The following CHMP3 variants were observed in gnomAD, a reference collection of about 807,000 sequenced individuals.
CHMP3 encodes charged multivesicular body protein 3, also known as 25.1 protein.
In CHMP3, 8 loss-of-function variants were observed where a neutral mutation model predicts 27.4. The observed-to-expected ratio is 0.29, with a 90% CI of 0.17 to 0.53. The LOEUF (loss-of-function observed/expected upper bound fraction) is 0.53, where lower values mean the gene tolerates loss of function less well. Among genes scored for constraint, CHMP3 ranks in the 20% least tolerant of loss-of-function variants. The pLI is 0.96. For missense variants in CHMP3, 208 were observed against 271.5 expected (o/e 0.77, Z 1.64); for synonymous variants, 86 against 85.5 (o/e 1.01, Z -0.03).
At chr2:86,510,307 T>C (rs745360044) in intron 4 of CHMP3, 51 bp downstream of exon 4, 59 of 1,582,950 alleles carry the variant, frequency 3.7e-5, no homozygotes, top group Non-Finnish European at 4.7e-5. Context: ...TGTTACTTGT[T>C]TAGAGTGACT....
chr2:86,525,277 ACAAAAAACTT>A (rs1210480755), intron 3 of CHMP3, among the ~76,000 whole-genome samples: 4 of 152,254 alleles, frequency 2.6e-5, no homozygotes, highest in African/African-American at 9.6e-5. Context: ...AAAATTAAAT[ACAAAAAACTT>A]CAAAATCAAT....
chr2:86,550,154 C>A (rs184424383), intron 1 of CHMP3, among the ~76,000 whole-genome samples: 1 of 152,318 alleles, frequency 6.6e-6, no homozygotes, highest in Admixed American at 6.5e-5. Flanking sequence ...GACGGGCAGA[C>A]CACTTGAGGT....
At chr2:86,516,716 T>G (rs1212929410) in intron 3 of CHMP3, among the ~76,000 whole-genome samples, 2 of 152,238 alleles carry the variant, frequency 1.3e-5, no homozygotes, top group Non-Finnish European at 2.9e-5. Context: ...TATGGATACA[T>G]GTAAACACTT....
chr2:86,515,524 TTG>T (rs1465341401), intron 3 of CHMP3, among the ~76,000 whole-genome samples: 1 of 152,132 alleles, frequency 6.6e-6, no homozygotes, highest in Non-Finnish European at 1.5e-5. Context: ...TTTCACTATG[TTG>T]GTCAGGCTGG....
chr2:86,506,244 C>G (rs966978695), intron 5 of CHMP3, among the ~76,000 whole-genome samples: 1 of 152,204 alleles, frequency 6.6e-6, no homozygotes, highest in African/African-American at 2.4e-5. Context: ...TAAATTGTTT[C>G]TAAATCTTCA....
chr2:86,562,951 G>C (rs1002554979), intron 1 of CHMP3: 1 of 215,288 alleles, frequency 4.6e-6, no homozygotes, highest in Non-Finnish European at 9.2e-6. Flanking sequence ...CCGGGCTGGA[G>C]GGGTGGGGCC....
chr2:86,513,238 T>C (rs1675172348), intron 3 of CHMP3, among the ~76,000 whole-genome samples: 3 of 152,124 alleles, frequency 2.0e-5, no homozygotes, highest in Admixed American at 6.5e-5. Context: ...TATTACTAAG[T>C]GAAAGAAGCC....
intron 1 of CHMP3, among the ~76,000 whole-genome samples, chr2:86,554,880 C>T (rs886145515): frequency 1.4e-5 from 2 of 146,384 alleles, no homozygotes; most frequent in African/African-American, 5.0e-5. Flanking sequence ...TGGAGTCCCG[C>T]TCTGTCGCCC....
chr2:86,505,953 AAAAG>A lies in CHMP3; in HGVS notation c.524-8_524-5del. The A allele has an allele frequency of 1.3e-6, 2 of 1,553,138 alleles. No individual in the cohort carries two copies. The highest frequency in any genetic ancestry group is 1.7e-6 in the Non-Finnish European group (2 of 1,145,456). On this transcript the variant is annotated splice_region_variant and splice_polypyrimidine_tract_variant and intron_variant, in intron 5 of 5. Coordinates refer to ENST00000263856, the MANE Select transcript of CHMP3 (RefSeq NM_016079.4). ...CTGGGTGCTTTGCCCAAGGCCCCTG[AAAAG>A]AAAGAGCAAAGATGAACACCACATT...
At position 86,563,285 on chromosome 2, in the gene CHMP3, C is replaced by T. The variant is rs202106336; in HGVS notation, c.45+19G>A. 6 of 1,613,532 alleles carry T rather than the reference C, an allele frequency of 3.7e-6. No homozygotes were observed. Among genetic ancestry groups the T allele is most frequent in the Admixed American group, 1.7e-5 (1 of 59,970 alleles). On this transcript the variant is annotated intron_variant, in intron 1 of 5. Transcript: ENST00000263856. ...CCACACAGATCCACCCGCTTATCTG[C>T]CGCCGCCGTAGCCCTTACCAGTTCT...
chr2:86,548,137 TAGG>T (rs1431616164), intron 1 of CHMP3, among the ~76,000 whole-genome samples: 1 of 151,622 alleles, frequency 6.6e-6, no homozygotes, highest in Non-Finnish European at 1.5e-5. Flanking sequence ...GAAGACAGTA[TAGG>T]AGAATACATT....
chr2:86,543,676 C>T (rs77706712), intron 1 of CHMP3, among the ~76,000 whole-genome samples: 3,233 of 152,248 alleles, frequency 0.021, 109 homozygotes, highest in African/African-American at 0.073. Context: ...TAGTTTACCA[C>T]GGCAAGTACA....
intron 2 of CHMP3, among the ~76,000 whole-genome samples, chr2:86,534,949 C>T (rs1295009110): frequency 2.6e-5 from 4 of 151,968 alleles, no homozygotes; most frequent in African/African-American, 9.7e-5. Flanking sequence ...ACTTTAAATC[C>T]ATTTACATTC....
intron 2 of CHMP3, among the ~76,000 whole-genome samples, chr2:86,540,218 G>T (rs753463940): frequency 6.6e-6 from 1 of 152,014 alleles, no homozygotes; most frequent in Admixed American, 6.6e-5. Flanking sequence ...CCTTGGATCT[G>T]CAAGCTTAAT....
At chr2:86,544,645 G>C (rs913433911) in intron 1 of CHMP3, among the ~76,000 whole-genome samples, 1 of 152,164 alleles carries the variant, frequency 6.6e-6, no homozygotes, top group African/African-American at 2.4e-5. Flanking sequence ...ATGTTTCAGA[G>C]AGCACCGGGT....
At chr2:86,511,521 G>A (rs1042889496) in intron 3 of CHMP3, 8 of 151,412 alleles carry the variant, frequency 5.3e-5, no homozygotes, top group Admixed American at 2.6e-4. Context: ...TGATAAAAAA[G>A]TTATAATTAC....
chr2:86,516,602 G>A (rs1166304626), intron 3 of CHMP3, among the ~76,000 whole-genome samples: 1 of 152,166 alleles, frequency 6.6e-6, no homozygotes. Context: ...ATTCATAATA[G>A]CCAACAACTG....
chr2:86,529,271 T>C lies in CHMP3; in HGVS notation c.233A>G (p.Tyr78Cys), dbSNP rs757322286. The C allele has an allele frequency of 5.6e-5, 90 of 1,613,476 alleles. No individual in the cohort carries two copies. Among genetic ancestry groups the C allele is most frequent in the Non-Finnish European group, 7.2e-5 (85 of 1,179,810 alleles). Reference protein sequence around the residue: ...IRSRKAVSKLYASKAHMNSVL... With the variant: ...IRSRKAVSKLCASKAHMNSVL... The stretch of plus-strand genomic sequence containing the variant: ...TGAGTTCATGTGTGCTTTGGATGCA[T>C]ACAGCTTGCTCACAGCCTTCCTTGA... Residue 78 changes from tyrosine to cysteine, a missense_variant, in exon 3 of 6, where the codon TAT (tyrosine) becomes TGT (cysteine). Tyr to Cys is a radical substitution (Grantham distance 194). Coordinates refer to ENST00000263856, the MANE Select transcript of CHMP3 (RefSeq NM_016079.4).
At chr2:86,514,491 C>G (rs1199519335) in intron 3 of CHMP3, among the ~76,000 whole-genome samples, 1 of 152,124 alleles carries the variant, frequency 6.6e-6, no homozygotes, top group Non-Finnish European at 1.5e-5. Context: ...CCCATTAAGA[C>G]CACAGTGGAT....
Sources: gnomAD v4.1 joint callset for allele counts (sites outside exome capture counted in the v4.1 genomes callset) on GRCh38, gnomAD v4.1.1 for gene constraint, MANE v1.5 for transcripts, NCBI Gene and HGNC (gene_info 2026-07-23, HGNC 2026-07-21) for gene names.